The following FAM81B variants were observed in gnomAD, a reference collection of about 807,000 sequenced individuals.
FAM81B encodes family with sequence similarity 81 member B.
In FAM81B, 60 loss-of-function variants were observed where a neutral mutation model predicts 58.7. The ratio of observed to expected loss-of-function variants is 1.02; its 90% confidence interval spans 0.83 to 1.27. The LOEUF is 1.27. FAM81B is among the 50% of genes most tolerant of loss of function. The pLI, the probability that FAM81B is intolerant of heterozygous loss-of-function variation, is 0.00. For synonymous variants in FAM81B, 189 were observed against 179.6 expected (o/e 1.05, Z -0.42); for missense variants, 491 against 522.0 (o/e 0.94, Z 0.58).
chr5:95,443,196 C>T (rs934408812), intron 7 of FAM81B, among the ~76,000 whole-genome samples: 5 of 152,102 alleles, frequency 3.3e-5, no homozygotes, highest in Non-Finnish European at 1.5e-5. Context: ...CCCTGGCTGC[C>T]TTCACCACTA....
chr5:95,426,182 A>G (rs868363135), intron 5 of FAM81B, among the ~76,000 whole-genome samples: 2 of 149,972 alleles, frequency 1.3e-5, no homozygotes, highest in Middle Eastern at 3.6e-3. Flanking sequence ...ACCAAATATT[A>G]ATAATGTTAC....
intron 3 of FAM81B, among the ~76,000 whole-genome samples, chr5:95,407,387 C>T (rs1419257972): frequency 7.2e-6 from 1 of 139,020 alleles, no homozygotes; most frequent in Non-Finnish European, 1.6e-5. Context: ...TGCCTGTTCT[C>T]TTTTACACAC....
intron 5 of FAM81B, among the ~76,000 whole-genome samples, chr5:95,422,501 G>A (rs1452664382): frequency 6.6e-6 from 1 of 151,694 alleles, no homozygotes; most frequent in African/African-American, 2.4e-5. Context: ...TTTCTTTTTC[G>A]AGACAGAGTC....
intron 7 of FAM81B, among the ~76,000 whole-genome samples, chr5:95,438,449 G>A (rs1745189603): frequency 6.6e-6 from 1 of 152,136 alleles, no homozygotes; most frequent in East Asian, 1.9e-4. Flanking sequence ...GTGGAAAAGA[G>A]AGAAAAAGGA....
intron 9 of FAM81B, chr5:95,448,817 C>T (rs1745689599): frequency 2.3e-6 from 1 of 426,032 alleles, no homozygotes; most frequent in Non-Finnish European, 4.6e-6. Context: ...AAATTAAGAG[C>T]CTAAATCAAA....
At chr5:95,402,562 T>G (rs1762141357) in intron 3 of FAM81B, among the ~76,000 whole-genome samples, 1 of 152,238 alleles carries the variant, frequency 6.6e-6, no homozygotes, top group African/African-American at 2.4e-5. Flanking sequence ...TCCCACTTAA[T>G]GTCTCCATGG....
chr5:95,436,202 AT>A (rs772304086), intron 6 of FAM81B, among the ~76,000 whole-genome samples: 3 of 152,208 alleles, frequency 2.0e-5, no homozygotes, highest in Non-Finnish European at 2.9e-5. Context: ...CTAATCTTAA[AT>A]TCTAAAACTG....
intron 7 of FAM81B, among the ~76,000 whole-genome samples, chr5:95,438,028 C>T (rs1487347554): frequency 6.6e-6 from 1 of 152,078 alleles, no homozygotes; most frequent in Admixed American, 6.6e-5. Flanking sequence ...TAATTTTGTA[C>T]CTGTAAGACA....
chr5:95,400,433 T>C (rs568932939), intron 3 of FAM81B, among the ~76,000 whole-genome samples: 19 of 138,070 alleles, frequency 1.4e-4, no homozygotes, highest in South Asian at 6.6e-4. Flanking sequence ...CATACATACA[T>C]ACACACACAC....
Position 95,421,074 on chromosome 5 carries a change from C to G in FAM81B, c.656+672C>G, listed in dbSNP as rs538073635. Among the ~76,000 whole-genome samples, 135 of 152,308 alleles carry G rather than the reference C, an allele frequency of 8.9e-4. 1 individual carries two copies. Among genetic ancestry groups the G allele is most frequent in the African/African-American group, 3.1e-3 (128 of 41,564 alleles). ...AGAATTAGATAATTACTACCTAAGACAAAGCTCTCTTAGGGTATTTACCCA... is the reference window on the plus strand; with the variant it reads ...AGAATTAGATAATTACTACCTAAGAGAAAGCTCTCTTAGGGTATTTACCCA... On this transcript the variant is annotated intron_variant, in intron 5 of 9. Coordinates refer to ENST00000283357, the MANE Select transcript of FAM81B (RefSeq NM_152548.3).
At chr5:95,433,236 C>G (rs941075204) in intron 6 of FAM81B, among the ~76,000 whole-genome samples, 2 of 148,756 alleles carry the variant, frequency 1.3e-5, no homozygotes, top group Non-Finnish European at 3.0e-5. Flanking sequence ...CTGGGGAGAC[C>G]TCACAGTCAT....
chr5:95,446,650 C>G lies in FAM81B; in HGVS notation c.982C>G (p.His328Asp), dbSNP rs1348857652. Residue 328 changes from histidine to aspartate, a missense_variant, in exon 8 of 10, where the codon CAC becomes GAC. Transcript: ENST00000283357. The part of the protein sequence containing the change: ...ENQFLKYRKD[H>D]LGHINECLKV... ...CCAATTTCTCAAATATAGAAAAGACCACCTGGGCCATATAAATGAATGTCT... is the reference window on the plus strand; with the variant it reads ...CCAATTTCTCAAATATAGAAAAGACGACCTGGGCCATATAAATGAATGTCT... 1.9e-6 allele frequency: 3 copies of G among 1,612,640 alleles called. No individual in the cohort carries two copies. The highest frequency in any genetic ancestry group is 1.3e-5 in the African/African-American group (1 of 74,706).
intron 3 of FAM81B, among the ~76,000 whole-genome samples, chr5:95,412,771 T>C (rs1260452333): frequency 6.6e-6 from 1 of 152,190 alleles, no homozygotes; most frequent in African/African-American, 2.4e-5. Flanking sequence ...GTCATTAATA[T>C]ATAAAGAAGC....
Position 95,391,586 on chromosome 5 carries a change from A to C in FAM81B, c.124+73A>C. 3 of 1,485,746 alleles carry C rather than the reference A, an allele frequency of 2.0e-6. 1 individual carries two copies. The South Asian group carries it at 4.2e-5, about 21-fold the overall frequency. The allele number at this position is 1,485,746 out of a possible 1,614,324, so 92.0% of individuals were successfully genotyped here. The stretch of plus-strand genomic sequence containing the variant: ...CTTTCTTCTGTTTCTTATTACATAT[A>C]AACAAAATAATGAATCCCAATGAAG... On this transcript the variant is annotated intron_variant, in intron 1 of 9. Coordinates refer to ENST00000283357, the MANE Select transcript of FAM81B (RefSeq NM_152548.3).
At chr5:95,424,295 T>A (rs1425672883) in intron 5 of FAM81B, 18 of 1,149,622 alleles carry the variant, frequency 1.6e-5, no homozygotes, top group Non-Finnish European at 2.1e-5. Context: ...GACAGATAGA[T>A]GATAGACAGA....
intron 2 of FAM81B, among the ~76,000 whole-genome samples, chr5:95,395,048 C>A (rs1336752326): frequency 6.6e-6 from 1 of 152,060 alleles, no homozygotes; most frequent in Non-Finnish European, 1.5e-5. Context: ...AGGTGGAATA[C>A]CACTCATATT....
chr5:95,431,887 G>C (rs1473694355), intron 6 of FAM81B, among the ~76,000 whole-genome samples: 2 of 151,764 alleles, frequency 1.3e-5, no homozygotes, highest in African/African-American at 4.8e-5. Flanking sequence ...TCTGTAAATG[G>C]TAATAATTTT....
chr5:95,428,834 C>T (rs921686950), intron 6 of FAM81B, 102 bp downstream of exon 6: 6 of 1,490,036 alleles, frequency 4.0e-6, no homozygotes, highest in Non-Finnish European at 5.5e-6. Flanking sequence ...TTTAAGAGAA[C>T]TCTTTTCTTC....
At chr5:95,429,266 C>CTTGGTAATA (rs1265749093) in intron 6 of FAM81B, among the ~76,000 whole-genome samples, 1 of 152,146 alleles carries the variant, frequency 6.6e-6, no homozygotes, top group Non-Finnish European at 1.5e-5. Context: ...TAGGTCCCCA[C>CTTGGTAATA]TCACACCAAG....
Sources: gnomAD v4.1 joint callset for allele counts (sites outside exome capture counted in the v4.1 genomes callset) on GRCh38, gnomAD v4.1.1 for gene constraint, MANE v1.5 for transcripts, NCBI Gene and HGNC (gene_info 2026-07-23, HGNC 2026-07-21) for gene names.